CHST15: variants seen among roughly 807,000 people sequenced by gnomAD.
CHST15 encodes the protein carbohydrate sulfotransferase 15.
A neutral mutation model predicts 53.6 loss-of-function variants in CHST15; 30 were observed. The observed-to-expected ratio is 0.56, with a 90% CI of 0.42 to 0.76. CHST15 has a LOEUF of 0.76. CHST15 is among the 30% of genes least tolerant of loss of function. The probability of loss-of-function intolerance (pLI) is 0.00; values close to 1 mark genes in which losing one functional copy is unlikely to be tolerated. For missense variants in CHST15, 627 were observed against 740.5 expected (o/e 0.85, Z 1.78); for synonymous variants, 296 against 289.8 (o/e 1.02, Z -0.22).
chr10:124,032,027 T>C (rs1047499246), intron 5 of CHST15, among the ~76,000 whole-genome samples: 1 of 152,212 alleles, frequency 6.6e-6, no homozygotes, highest in Non-Finnish European at 1.5e-5. Context: ...TGCCCAAATG[T>C]TCAGCCCTGC....
At chr10:124,072,866 C>T (rs1590342370) in intron 1 of CHST15, among the ~76,000 whole-genome samples, 1 of 152,196 alleles carries the variant, frequency 6.6e-6, no homozygotes, top group Non-Finnish European at 1.5e-5. Flanking sequence ...TCTTCCAGTG[C>T]ACCCATTCAA....
intron 1 of CHST15, among the ~76,000 whole-genome samples, chr10:124,091,639 G>T (rs1049003086): frequency 6.6e-6 from 1 of 152,256 alleles, no homozygotes; most frequent in Non-Finnish European, 1.5e-5. Flanking sequence ...CCCTCTGCGG[G>T]GCATCCCGGA....
chr10:124,068,517 T>C (rs1948818086), intron 1 of CHST15, among the ~76,000 whole-genome samples: 1 of 152,212 alleles, frequency 6.6e-6, no homozygotes, highest in Non-Finnish European at 1.5e-5. Context: ...GCCGGGTACA[T>C]GTCCAGTCTG....
rs1200768780 is a variant in CHST15 at position 124,008,623 on chromosome 10, A to G, written c.*1526T>C. 2 of 1,032,542 alleles carry G rather than the reference A, an allele frequency of 1.9e-6. No individual in the cohort carries two copies. The highest frequency in any genetic ancestry group is 2.3e-6 in the Non-Finnish European group (2 of 855,820). The allele number at this position is 1,032,542 out of a possible 1,614,324, so 64.0% of individuals were successfully genotyped here. The stretch of plus-strand genomic sequence containing the variant: ...TCTCTGATGGCAGAAAGACAACACC[A>G]GCAGAAAGACGGCTGAACAACTGCA... On this transcript the variant is annotated 3_prime_UTR_variant, in exon 8 of 8. Coordinates refer to ENST00000435907, the MANE Select transcript of CHST15 (RefSeq NM_001270764.2).
intron 1 of CHST15, among the ~76,000 whole-genome samples, chr10:124,060,228 G>C (rs1948515699): frequency 6.6e-6 from 1 of 151,300 alleles, no homozygotes; most frequent in Non-Finnish European, 1.5e-5. Context: ...TCTTCCCCAG[G>C]AGTGTTTGAT....
intron 5 of CHST15, among the ~76,000 whole-genome samples, chr10:124,035,465 C>A (rs1053795072): frequency 1.3e-5 from 2 of 150,866 alleles, no homozygotes; most frequent in East Asian, 3.9e-4. Flanking sequence ...GGTTCCACCC[C>A]CTAACAGGGA....
chr10:124,073,286 G>A (rs1436263372), intron 1 of CHST15, among the ~76,000 whole-genome samples: 1 of 152,216 alleles, frequency 6.6e-6, no homozygotes. Context: ...TCTCACAGAT[G>A]TAGTACTGAG....
chr10:124,015,357 A>T (rs1429564244), intron 6 of CHST15, among the ~76,000 whole-genome samples: 1 of 147,654 alleles, frequency 6.8e-6, no homozygotes, highest in Non-Finnish European at 1.5e-5. Flanking sequence ...TAACCGTGCC[A>T]GCTGATTCAC....
intron 1 of CHST15, among the ~76,000 whole-genome samples, chr10:124,090,483 G>A (rs983149265): frequency 1.3e-5 from 2 of 152,184 alleles, no homozygotes; most frequent in African/African-American, 4.8e-5. Flanking sequence ...GACTCCTGGG[G>A]CCCAGCTAGT....
In CHST15 at chr10:124,046,083, G is replaced by A. The variant is rs970928593; in HGVS notation, c.130C>T (p.Leu44=). 12 of 1,614,126 alleles carry A rather than the reference G, an allele frequency of 7.4e-6. No individual in the cohort carries two copies. The highest frequency in any genetic ancestry group is 8.5e-6 in the Non-Finnish European group (10 of 1,180,060). The change falls in exon 2 of 8, where the codon CTG becomes TTG. Residue 44 remains leucine (L), a synonymous_variant. Transcript: ENST00000435907. ...ATCTGCTTACTGTCCACACGAAACA[G>A]AATTTTGTTTTCTCCTTTGCACGTG... ...CPTCKGENKI[L]FRVDSKQMNL...
chr10:124,035,804 C>T (rs1245066101), intron 5 of CHST15, among the ~76,000 whole-genome samples: 1 of 152,204 alleles, frequency 6.6e-6, no homozygotes, highest in African/African-American at 2.4e-5. Flanking sequence ...TCAGTCTTCT[C>T]CAGGTCAGTT....
At chr10:124,070,924 G>A (rs976914792) in intron 1 of CHST15, among the ~76,000 whole-genome samples, 8 of 152,128 alleles carry the variant, frequency 5.3e-5, no homozygotes, top group African/African-American at 1.7e-4. Flanking sequence ...TGCCCTTCAC[G>A]GCACTGTCTA....
chr10:124,067,567 G>A (rs1672235817), intron 1 of CHST15, among the ~76,000 whole-genome samples: 1 of 152,244 alleles, frequency 6.6e-6, no homozygotes, highest in African/African-American at 2.4e-5. Context: ...ATAAGTGGAA[G>A]TCTGCGCCCT....
rs541904327 is a variant in CHST15 at position 124,026,201 on chromosome 10, G to A, written c.1191-4789C>T. Among the ~76,000 whole-genome samples, 43 of 152,296 alleles carry A rather than the reference G, an allele frequency of 2.8e-4. No homozygotes were observed. The South Asian group carries it at 5.0e-3, about 18-fold the overall frequency. Reference sequence around the variant, plus strand: ...AGGAAGCATGAAGGAAGGCAAATGCGGACAGGAGCACTTCCCTTCAGGGGA... The same window carrying A: ...AGGAAGCATGAAGGAAGGCAAATGCAGACAGGAGCACTTCCCTTCAGGGGA... On this transcript the variant is annotated intron_variant, in intron 5 of 7. Coordinates refer to ENST00000435907, the MANE Select transcript of CHST15 (RefSeq NM_001270764.2).
intron 7 of CHST15, 194 bp from the exon 8 acceptor site, chr10:124,010,533 TTGCGAAGAAATTC>T: frequency 1.0e-6 from 1 of 985,436 alleles, no homozygotes; most frequent in Non-Finnish European, 1.2e-6. Context: ...CATCAGGAAA[TTGCGAAGAAATTC>T]TGCGGCGGGT....
intron 3 of CHST15, 114 bp downstream of exon 3, chr10:124,044,466 A>T: frequency 1.2e-6 from 1 of 830,078 alleles, no homozygotes; most frequent in East Asian, 3.1e-5. Context: ...TAACAAGGGA[A>T]TTGTGCCATC....
chr10:124,025,729 C>T (rs530085494), intron 5 of CHST15, among the ~76,000 whole-genome samples: 2 of 152,276 alleles, frequency 1.3e-5, no homozygotes, highest in South Asian at 2.1e-4. Context: ...CCTGGATTTA[C>T]GGTGGTCCCA....
intron 1 of CHST15, among the ~76,000 whole-genome samples, chr10:124,076,045 A>T (rs989479752): frequency 1.3e-5 from 2 of 152,198 alleles, no homozygotes; most frequent in Non-Finnish European, 2.9e-5. Flanking sequence ...AGCAGAGCTC[A>T]CAGGGAGGAC....
intron 1 of CHST15, among the ~76,000 whole-genome samples, chr10:124,063,378 C>T (rs113139706): frequency 0.086 from 12,955 of 151,470 alleles, 698 homozygotes; most frequent in Non-Finnish European, 0.13. Context: ...AGTGACACTC[C>T]GTCTCAAAAA....
Sources: allele counts gnomAD v4.1 joint callset (sites outside exome capture counted in the v4.1 genomes callset), GRCh38; gene constraint gnomAD v4.1.1; transcripts MANE v1.5; gene names NCBI Gene and HGNC (gene_info 2026-07-23, HGNC 2026-07-21).